PCSK2: variants seen among roughly 807,000 people sequenced by gnomAD.
The protein encoded by PCSK2 is proprotein convertase subtilisin/kexin type 2.
Under a neutral mutation model 69.7 loss-of-function variants are expected in PCSK2, and 14 were observed. The ratio of observed to expected loss-of-function variants is 0.20; its 90% CI spans 0.13 to 0.31. PCSK2 has a LOEUF of 0.31. Ranked by LOEUF, PCSK2 falls within the 10% of genes least tolerant of loss-of-function variation. PCSK2 has a pLI of 1.00. For missense variants in PCSK2, 544 were observed against 842.5 expected, an observed-to-expected ratio of 0.65 and a Z score of 4.39; for synonymous variants, 307 against 320.7, an observed-to-expected ratio of 0.96 and a Z score of 0.46.
chr20:17,418,690 T>G (rs1176627300), intron 6 of PCSK2, among the ~76,000 whole-genome samples: 3 of 152,164 alleles, frequency 2.0e-5, no homozygotes, highest in East Asian at 3.9e-4. Context: ...TTGGCTGGCA[T>G]AGGACCCAGC....
chr20:17,465,402 C>T lies in PCSK2; in HGVS notation c.1279C>T (p.His427Tyr), dbSNP rs775151089. The T allele has an allele frequency of 1.8e-5, 29 of 1,614,052 alleles. No individual in the cohort carries two copies. The highest frequency in any genetic ancestry group is 2.4e-5 in the Non-Finnish European group (28 of 1,180,036). The change falls in exon 11 of 12, where the codon CAT (histidine) becomes TAT (tyrosine). Residue 427 changes from histidine to tyrosine, a missense_variant. By Grantham distance (83) the His-to-Tyr change is moderately conservative. Transcript: ENST00000262545. ...ACGGAACCAGCTTCACGACGAGGTC[C>T]ATCAGTGGCGGCGCAATGGGGTCGG... The part of the protein sequence containing the change: ...SKRNQLHDEV[H>Y]QWRRNGVGLE...
At position 17,397,916 on chromosome 20, in the gene PCSK2, G is replaced by A. The variant is rs149869534; in HGVS notation, c.544-11347G>A. On this transcript the variant is annotated intron_variant, in intron 5 of 11. Coordinates refer to ENST00000262545, the MANE Select transcript of PCSK2 (RefSeq NM_002594.5). ...TCTCAGAGCTGACTTTTTCCATAGAGAGAACTTCAGTCTGAGACATGCCAA... is the reference window on the plus strand; with the variant it reads ...TCTCAGAGCTGACTTTTTCCATAGAAAGAACTTCAGTCTGAGACATGCCAA... Among the ~76,000 whole-genome samples the A allele has an allele frequency of 5.4e-4, 82 of 152,256 alleles. No homozygotes were observed. The East Asian group carries it at 8.7e-3, about 16-fold the overall frequency.
At chr20:17,390,738 C>T (rs1006515357) in intron 5 of PCSK2, among the ~76,000 whole-genome samples, 1 of 152,160 alleles carries the variant, frequency 6.6e-6, no homozygotes, top group Non-Finnish European at 1.5e-5. Flanking sequence ...TGCTCATCAT[C>T]AAAAAGATTC....
At chr20:17,428,997 C>CA (rs60206058) in intron 6 of PCSK2, among the ~76,000 whole-genome samples, 652 of 36,950 alleles carry the variant, frequency 0.018, 145 homozygotes, top group African/African-American at 0.085. Flanking sequence ...GACTCTGTCT[C>CA]AAAAAAAAAA....
At chr20:17,249,592 A>G (rs1986898136) in intron 1 of PCSK2, among the ~76,000 whole-genome samples, 1 of 152,162 alleles carries the variant, frequency 6.6e-6, no homozygotes, top group Non-Finnish European at 1.5e-5. Context: ...AAAAGGTGGA[A>G]GCAAATCAAG....
At chr20:17,460,202 C>CA (rs2032990959) in intron 10 of PCSK2, among the ~76,000 whole-genome samples, 1 of 135,896 alleles carries the variant, frequency 7.4e-6, no homozygotes, top group Admixed American at 7.5e-5. Flanking sequence ...GCACAAAGGG[C>CA]AAAAAAATAA....
chr20:17,452,133 G>A (rs1261089732), intron 8 of PCSK2, among the ~76,000 whole-genome samples: 2 of 151,906 alleles, frequency 1.3e-5, no homozygotes, highest in African/African-American at 4.8e-5. Context: ...ACCCACCTCA[G>A]CCTCCCAAAG....
chr20:17,248,605 AG>A, intron 1 of PCSK2, among the ~76,000 whole-genome samples: 1 of 152,360 alleles, frequency 6.6e-6, no homozygotes, highest in Non-Finnish European at 1.5e-5. Flanking sequence ...GTCTTTTGTT[AG>A]GTTCATGATC....
At chr20:17,279,527 G>A (rs1568582615) in intron 2 of PCSK2, among the ~76,000 whole-genome samples, 1 of 152,036 alleles carries the variant, frequency 6.6e-6, no homozygotes, top group East Asian at 1.9e-4. Context: ...AATGTGTGTG[G>A]CCCAGTGGTG....
chr20:17,296,793 A>G (rs925250212), intron 2 of PCSK2, among the ~76,000 whole-genome samples: 1 of 152,220 alleles, frequency 6.6e-6, no homozygotes, highest in Non-Finnish European at 1.5e-5. Flanking sequence ...AGTTTGGGTG[A>G]ATTCACGGCT....
At chr20:17,280,023 G>A (rs1377501374) in intron 2 of PCSK2, among the ~76,000 whole-genome samples, 1 of 147,954 alleles carries the variant, frequency 6.8e-6, no homozygotes, top group African/African-American at 2.5e-5. Flanking sequence ...TCCAAATCAA[G>A]CTTATATCCT....
intron 2 of PCSK2, among the ~76,000 whole-genome samples, chr20:17,275,773 G>A (rs6080618): frequency 0.21 from 31,855 of 151,996 alleles, 3,815 homozygotes; most frequent in Middle Eastern, 0.3. Context: ...GGTGAATTCA[G>A]AACTCTTGTC....
At chr20:17,280,336 A>G (rs1414338582) in intron 2 of PCSK2, among the ~76,000 whole-genome samples, 1 of 152,274 alleles carries the variant, frequency 6.6e-6, no homozygotes, top group Admixed American at 6.5e-5. Context: ...TTTTCACTAC[A>G]TAAACAACAT....
intron 1 of PCSK2, among the ~76,000 whole-genome samples, chr20:17,234,315 C>A (rs1986252613): frequency 6.6e-6 from 1 of 152,198 alleles, no homozygotes; most frequent in Non-Finnish European, 1.5e-5. Context: ...TGCTGGCAAC[C>A]AACGTGCCCT....
At chr20:17,447,039 G>A (rs1256608502) in intron 8 of PCSK2, among the ~76,000 whole-genome samples, 1 of 151,918 alleles carries the variant, frequency 6.6e-6, no homozygotes, top group African/African-American at 2.4e-5. Flanking sequence ...GATCCCTTGA[G>A]GTCAGGAGTT....
At chr20:17,404,857 T>G (rs2031719078) in intron 5 of PCSK2, among the ~76,000 whole-genome samples, 2 of 152,172 alleles carry the variant, frequency 1.3e-5, no homozygotes, top group Admixed American at 6.5e-5. Flanking sequence ...TTTGTGGGGT[T>G]TTGTCACAAC....
chr20:17,299,352 T>G (rs1407668298), intron 2 of PCSK2, among the ~76,000 whole-genome samples: 3 of 152,210 alleles, frequency 2.0e-5, no homozygotes, highest in Non-Finnish European at 4.4e-5. Flanking sequence ...TTCTGCAGTT[T>G]ATGTCTTGTT....
At chr20:17,416,222 A>G (rs989759705) in intron 6 of PCSK2, among the ~76,000 whole-genome samples, 7 of 152,328 alleles carry the variant, frequency 4.6e-5, no homozygotes, top group Non-Finnish European at 1.0e-4. Context: ...AGAAACTACC[A>G]TCAGAGTGAA....
intron 6 of PCSK2, among the ~76,000 whole-genome samples, chr20:17,428,692 A>G (rs1016020091): frequency 6.6e-6 from 1 of 151,992 alleles, no homozygotes; most frequent in Non-Finnish European, 1.5e-5. Context: ...TAGTTGTTCC[A>G]CCCACCATTA....
Sources: allele counts gnomAD v4.1 joint callset (sites outside exome capture counted in the v4.1 genomes callset), GRCh38; gene constraint gnomAD v4.1.1; transcripts MANE v1.5; gene names NCBI Gene and HGNC (gene_info 2026-07-23, HGNC 2026-07-21).